The following ZNF236 variants were observed in gnomAD, a reference collection of about 807,000 sequenced individuals.
ZNF236 encodes the protein zinc finger protein 236, also known as regulated by glucose.
Under a neutral mutation model 191.2 loss-of-function variants are expected in ZNF236, and 50 were observed. The observed-to-expected ratio is 0.26, with a 90% CI of 0.21 to 0.33. The LOEUF (loss-of-function observed/expected upper bound fraction) is 0.33. Among genes scored for constraint, ZNF236 ranks in the 10% least tolerant of loss-of-function variants. The pLI is 1.00. For missense variants in ZNF236, 1,754 were observed against 2,374.5 expected, an observed-to-expected ratio of 0.74 and a Z score of 5.43; for synonymous variants, 907 against 928.8, an observed-to-expected ratio of 0.98 and a Z score of 0.43.
rs565765686 is a variant in ZNF236 at position 76,940,635 on chromosome 18, G to A, written c.4782+3292G>A. ...CATTTATTTCAGTGATTATGAGAGC[G>A]TATTTTCTGTATGTTAAGTTTTATC... On this transcript the variant is annotated intron_variant, in intron 26 of 30. Transcript: ENST00000320610. Among the ~76,000 whole-genome samples, 11 of 152,322 alleles carry A rather than the reference G, an allele frequency of 7.2e-5. No homozygotes were observed. In the South Asian group the frequency reaches 1.2e-3, roughly 17 times the overall value.
chr18:76,859,330 G>A lies in ZNF236; in HGVS notation c.363+7391G>A, dbSNP rs151310641. ...GAGCAGCTCCTGGTATGTCTTGCAC[G>A]TGTTCCCAGCTTTCCTCAGACTGTG... On this transcript the variant is annotated intron_variant, in intron 3 of 30. Coordinates refer to ENST00000320610, the MANE Select transcript of ZNF236 (RefSeq NM_001306089.2). Among the ~76,000 whole-genome samples, 797 of 152,150 alleles carry A rather than the reference G, an allele frequency of 5.2e-3. 8 individuals are homozygous for A. Among genetic ancestry groups the A allele is most frequent in the African/African-American group, 0.018 (760 of 41,494 alleles).
chr18:76,834,583 A>G (rs1175589095), intron 1 of ZNF236: 5 of 473,158 alleles, frequency 1.1e-5, no homozygotes, highest in Non-Finnish European at 2.1e-5. Flanking sequence ...GCCTGTGTGC[A>G]CAGTTGGGGT....
At chr18:76,943,725 T>TA (rs1968194098) in intron 26 of ZNF236, among the ~76,000 whole-genome samples, 1 of 152,252 alleles carries the variant, frequency 6.6e-6, no homozygotes, top group Admixed American at 6.5e-5. Context: ...AAGTTAGTTG[T>TA]AAGTTTAACA....
intron 15 of ZNF236, 96 bp from the exon 16 acceptor site, chr18:76,910,564 C>T (rs1236003287): frequency 8.4e-7 from 1 of 1,197,316 alleles, no homozygotes; most frequent in Non-Finnish European, 1.2e-6. Flanking sequence ...AATAGAAATG[C>T]CCCTTTAGAC....
intron 21 of ZNF236, among the ~76,000 whole-genome samples, chr18:76,924,738 T>G (rs974255720): frequency 6.6e-6 from 1 of 152,206 alleles, no homozygotes; most frequent in African/African-American, 2.4e-5. Context: ...CCCAGTGTGA[T>G]GCCTACCTGT....
At chr18:76,831,166 A>G (rs942417234) in intron 1 of ZNF236, among the ~76,000 whole-genome samples, 3 of 152,240 alleles carry the variant, frequency 2.0e-5, no homozygotes, top group Non-Finnish European at 4.4e-5. Context: ...TATTTGCCGT[A>G]TAGTGTCATA....
intron 27 of ZNF236, among the ~76,000 whole-genome samples, chr18:76,949,147 C>G (rs925758142): frequency 6.6e-6 from 1 of 152,124 alleles, no homozygotes; most frequent in Non-Finnish European, 1.5e-5. Flanking sequence ...GTAGTGAAAC[C>G]TTATTAGTCT....
chr18:76,826,118 A>AT (rs60496800), intron 1 of ZNF236, among the ~76,000 whole-genome samples: 15 of 150,316 alleles, frequency 1.0e-4, no homozygotes, highest in African/African-American at 7.4e-5. Context: ...CGGATACCTG[A>AT]TTTTTTTTTC....
At position 76,970,214 on chromosome 18, in the gene ZNF236, C is replaced by T. The variant is rs1001271661; in HGVS notation, c.*1875C>T. 2 of 152,558 alleles carry T rather than the reference C, an allele frequency of 1.3e-5. No homozygotes were observed. The highest frequency in any genetic ancestry group is 4.8e-5 in the African/African-American group (2 of 41,424). 9.5% of individuals were successfully genotyped at this position (152,558 alleles called of 1,614,324 possible). ...TTGGAATTTTAAACTTTTGTTCTTG[C>T]TGGGTTATTTATTTTGATTTTAGCA... is the stretch of plus-strand genomic sequence containing the variant. On this transcript the variant is annotated 3_prime_UTR_variant, in exon 31 of 31. Coordinates refer to ENST00000320610, the MANE Select transcript of ZNF236 (RefSeq NM_001306089.2).
chr18:76,964,660 A>G (rs1054136555), intron 30 of ZNF236, among the ~76,000 whole-genome samples: 4 of 152,186 alleles, frequency 2.6e-5, no homozygotes, highest in African/African-American at 9.7e-5. Context: ...TCAGTGGAGT[A>G]TTGAAGTCTC....
chr18:76,915,098 G>C (rs1190084947), intron 18 of ZNF236, among the ~76,000 whole-genome samples: 2 of 152,180 alleles, frequency 1.3e-5, no homozygotes. Context: ...GTGGAAGAAA[G>C]ACAGAAATAG....
At position 76,937,253 on chromosome 18, in the gene ZNF236, A is replaced by G; in HGVS notation, c.4692A>G (p.Gly1564=). Residue 1564 remains glycine, a synonymous_variant, in exon 26 of 31, where the codon GGA becomes GGG. Coordinates refer to ENST00000320610, the MANE Select transcript of ZNF236 (RefSeq NM_001306089.2). ...TGGTCATGTCCTCGTCGGGCGTGGG[A>G]GGTGACGCTAGTGTCACGCTGACGC... ...QNLVMSSSGV[G]GDASVTLTLA... is the part of the protein sequence containing the mutation. The G allele has an allele frequency of 6.2e-7, 1 of 1,614,098 alleles. No individual in the cohort carries two copies. The highest frequency in any genetic ancestry group is 8.5e-7 in the Non-Finnish European group (1 of 1,180,024).
At chr18:76,841,509 A>G (rs949830029) in intron 1 of ZNF236, among the ~76,000 whole-genome samples, 3 of 152,190 alleles carry the variant, frequency 2.0e-5, no homozygotes, top group Non-Finnish European at 4.4e-5. Flanking sequence ...GCAAATACCA[A>G]AGTTTTGGAA....
chr18:76,915,651 G>A lies in ZNF236; in HGVS notation c.3066G>A (p.Val1022=). 1.2e-6 allele frequency: 2 copies of A among 1,613,814 alleles called. No homozygotes were observed. Among genetic ancestry groups the A allele is most frequent in the Non-Finnish European group, 1.7e-6 (2 of 1,180,024 alleles). The change falls in exon 19 of 31, where the codon GTG becomes GTA. Residue 1022 remains valine, a synonymous_variant. Coordinates refer to ENST00000320610, the MANE Select transcript of ZNF236 (RefSeq NM_001306089.2). The part of the protein sequence containing the change: ...LKSHEKTHTG[V]KAFSCSVCNA... ...TTTCTGTTTCTGTGCTTGCAGGAGT[G>A]AAGGCGTTCAGCTGCAGTGTGTGCA...
At chr18:76,853,085 T>C (rs182105416) in intron 3 of ZNF236, among the ~76,000 whole-genome samples, 74 of 136,776 alleles carry the variant, frequency 5.4e-4, no homozygotes, top group African/African-American at 1.6e-3. Context: ...CTGTTTTTTG[T>C]TTTTTTTTTT....
chr18:76,840,508 A>G (rs1456842909), intron 1 of ZNF236, among the ~76,000 whole-genome samples: 1 of 152,212 alleles, frequency 6.6e-6, no homozygotes, highest in Non-Finnish European at 1.5e-5. Flanking sequence ...AAAAAAAGAA[A>G]AAGAGGGAGA....
chr18:76,859,582 G>C (rs1048658184), intron 3 of ZNF236, among the ~76,000 whole-genome samples: 2 of 152,100 alleles, frequency 1.3e-5, no homozygotes, highest in Non-Finnish European at 2.9e-5. Flanking sequence ...TCTTCCACGT[G>C]GTTCTTCACT....
At chr18:76,892,483 T>C (rs1441390992) in intron 9 of ZNF236, among the ~76,000 whole-genome samples, 1 of 152,056 alleles carries the variant, frequency 6.6e-6, no homozygotes, top group Non-Finnish European at 1.5e-5. Context: ...TAGACCTTTT[T>C]TAAGACTAGA....
intron 19 of ZNF236, 99 bp downstream of exon 19, chr18:76,915,958 T>C (rs1967352113): frequency 1.8e-6 from 2 of 1,127,988 alleles, no homozygotes; most frequent in Non-Finnish European, 2.6e-6. Context: ...TGGCTATATA[T>C]AGATTAGTTC....
Sources: allele counts gnomAD v4.1 joint callset (sites outside exome capture counted in the v4.1 genomes callset), GRCh38; gene constraint gnomAD v4.1.1; transcripts MANE v1.5; gene names NCBI Gene and HGNC (gene_info 2026-07-23, HGNC 2026-07-21).